DDX10: variants seen among roughly 807,000 people sequenced by gnomAD.
The protein encoded by DDX10 is DEAD-box helicase 10.
DDX10 carries 74 observed loss-of-function variants against 104.3 expected under a neutral mutation model. The ratio of observed to expected loss-of-function variants is 0.71; its 90% CI spans 0.59 to 0.86. DDX10 has a LOEUF of 0.86. Among genes scored for constraint, DDX10 ranks in the 40% least tolerant of loss-of-function variants. The pLI is 0.00. For missense variants in DDX10, 952 were observed against 1,040.0 expected (o/e 0.92, Z 1.16); for synonymous variants, 351 against 353.4 (o/e 0.99, Z 0.08).
At chr11:108,807,086 G>A (rs1013830451) in intron 13 of DDX10, among the ~76,000 whole-genome samples, 1 of 152,136 alleles carries the variant, frequency 6.6e-6, no homozygotes, top group Admixed American at 6.5e-5. Context: ...CTGGGGTGCT[G>A]GATATTGTGG....
intron 16 of DDX10, 150 bp from the exon 17 acceptor site, chr11:108,917,723 G>A: frequency 1.4e-6 from 1 of 689,800 alleles, no homozygotes; most frequent in Non-Finnish European, 2.4e-6. Context: ...AATGGTTGTG[G>A]TTCTGAAAGT....
intron 13 of DDX10, among the ~76,000 whole-genome samples, chr11:108,739,754 C>G (rs868228711): frequency 1.3e-5 from 2 of 152,076 alleles, no homozygotes; most frequent in Non-Finnish European, 2.9e-5. Context: ...TAGATAGAAT[C>G]CTGTGTTAGT....
intron 13 of DDX10, among the ~76,000 whole-genome samples, chr11:108,749,011 A>T (rs560587801): frequency 6.6e-6 from 1 of 152,084 alleles, no homozygotes; most frequent in East Asian, 1.9e-4. Flanking sequence ...AGTGGGTTGG[A>T]TATGAATTAC....
chr11:108,760,993 CA>C (rs2094350239), intron 13 of DDX10, among the ~76,000 whole-genome samples: 1 of 152,132 alleles, frequency 6.6e-6, no homozygotes. Context: ...GGAATTCTAA[CA>C]GTGTAACAAA....
intron 16 of DDX10, among the ~76,000 whole-genome samples, chr11:108,856,557 T>C (rs1591836598): frequency 1.3e-5 from 2 of 152,170 alleles, no homozygotes; most frequent in South Asian, 4.1e-4. Flanking sequence ...TCTACTGGTC[T>C]TCAATGACTT....
At chr11:108,866,679 A>G (rs143635818) in intron 16 of DDX10, among the ~76,000 whole-genome samples, 1 of 152,182 alleles carries the variant, frequency 6.6e-6, no homozygotes, top group Non-Finnish European at 1.5e-5. Context: ...AGCTGCCAGT[A>G]TTGAACTATT....
chr11:108,795,446 CTCA>C (rs963992300), intron 13 of DDX10, among the ~76,000 whole-genome samples: 16 of 150,398 alleles, frequency 1.1e-4, no homozygotes, highest in African/African-American at 3.4e-4. Context: ...CACCCTTTAA[CTCA>C]TCATTTACAT....
intron 16 of DDX10, among the ~76,000 whole-genome samples, chr11:108,886,300 A>C (rs1452410972): frequency 2.6e-5 from 4 of 152,264 alleles, no homozygotes; most frequent in African/African-American, 9.6e-5. Flanking sequence ...CCCCATTTGC[A>C]GATGAGAAGA....
intron 15 of DDX10, among the ~76,000 whole-genome samples, chr11:108,848,809 G>A (rs1255569554): frequency 6.6e-6 from 1 of 152,066 alleles, no homozygotes; most frequent in African/African-American, 2.4e-5. Flanking sequence ...TAGAGATTGG[G>A]GTTGAGGAGC....
intron 9 of DDX10, among the ~76,000 whole-genome samples, chr11:108,696,033 C>T (rs1412666043): frequency 6.6e-6 from 1 of 152,118 alleles, no homozygotes; most frequent in Admixed American, 6.5e-5. Flanking sequence ...TACATTTAGA[C>T]AAACTTGTTT....
chr11:108,695,857 T>G (rs756725442), intron 9 of DDX10, among the ~76,000 whole-genome samples: 148 of 152,246 alleles, frequency 9.7e-4, no homozygotes, highest in Middle Eastern at 3.4e-3. Flanking sequence ...TAAATGTGCT[T>G]CTTTTGACCA....
At chr11:108,791,288 T>C (rs1226627743) in intron 13 of DDX10, among the ~76,000 whole-genome samples, 2 of 152,226 alleles carry the variant, frequency 1.3e-5, no homozygotes, top group Non-Finnish European at 2.9e-5. Context: ...ATCTGAGAAG[T>C]GGATCCTTCA....
chr11:108,833,599 G>C (rs1862503906), intron 13 of DDX10, among the ~76,000 whole-genome samples: 3 of 152,258 alleles, frequency 2.0e-5, no homozygotes, highest in South Asian at 4.1e-4. Flanking sequence ...TTCTTCAGGG[G>C]GGCAGGACAC....
chr11:108,785,731 A>T (rs754367351), intron 13 of DDX10, among the ~76,000 whole-genome samples: 1 of 152,042 alleles, frequency 6.6e-6, no homozygotes, highest in East Asian at 1.9e-4. Context: ...GGTGTTCATA[A>T]TCGTCTCCAA....
chr11:108,739,494 T>A (rs371092724), intron 13 of DDX10, among the ~76,000 whole-genome samples: 17 of 152,344 alleles, frequency 1.1e-4, no homozygotes, highest in South Asian at 6.2e-4. Flanking sequence ...TTTATGAAGG[T>A]AAGGAATATA....
intron 13 of DDX10, among the ~76,000 whole-genome samples, chr11:108,833,530 A>G (rs557372938): frequency 1.3e-5 from 2 of 152,206 alleles, no homozygotes; most frequent in African/African-American, 2.4e-5. Flanking sequence ...CTTCTCACCC[A>G]TGTGGGCATT....
chr11:108,913,599 G>T (rs1244603974), intron 16 of DDX10, among the ~76,000 whole-genome samples: 1 of 152,124 alleles, frequency 6.6e-6, no homozygotes, highest in African/African-American at 2.4e-5. Context: ...TGGGAGACAG[G>T]TTTGCCTGAC....
chr11:108,742,937 C>T (rs547877817), intron 13 of DDX10, among the ~76,000 whole-genome samples: 1 of 152,234 alleles, frequency 6.6e-6, no homozygotes, highest in East Asian at 1.9e-4. Flanking sequence ...CAGACGAATT[C>T]ACAGCCAAAT....
intron 13 of DDX10, among the ~76,000 whole-genome samples, chr11:108,818,069 A>T (rs1785273111): frequency 6.6e-6 from 1 of 152,182 alleles, no homozygotes; most frequent in Admixed American, 6.5e-5. Context: ...GATATAGCTC[A>T]AGGAAAGCAA....
Sources: allele counts gnomAD v4.1 joint callset (sites outside exome capture counted in the v4.1 genomes callset), GRCh38; gene constraint gnomAD v4.1.1; transcripts MANE v1.5; gene names NCBI Gene and HGNC (gene_info 2026-07-23, HGNC 2026-07-21).